OSBPL9: variants seen among roughly 807,000 people sequenced by gnomAD.
OSBPL9 encodes oxysterol binding protein like 9.
Under a neutral mutation model 106.6 loss-of-function variants are expected in OSBPL9, and 40 were observed. The observed-to-expected ratio is 0.38, with a 90% CI of 0.29 to 0.49. The LOEUF is 0.49. Among genes scored for constraint, OSBPL9 ranks in the 20% least tolerant of loss-of-function variants. The probability of loss-of-function intolerance (pLI) is 0.97; values close to 1 mark genes in which losing one functional copy is unlikely to be tolerated. For synonymous variants in OSBPL9, 269 were observed against 295.4 expected, an observed-to-expected ratio of 0.91 and a Z score of 0.92; for missense variants, 609 against 887.2, an observed-to-expected ratio of 0.69 and a Z score of 3.98.
chr1:51,740,100 CA>C, intron 4 of OSBPL9: 1 of 1,547,978 alleles, frequency 6.5e-7, no homozygotes, highest in African/African-American at 1.4e-5. Flanking sequence ...AGACTCACAG[CA>C]TGGTAACTTT....
chr1:51,592,410 C>T (rs538986924), intron 1 of OSBPL9, among the ~76,000 whole-genome samples: 1 of 152,244 alleles, frequency 6.6e-6, no homozygotes, highest in African/African-American at 2.4e-5. Context: ...CCACTGTGCC[C>T]GGCCGTTGCT....
At chr1:51,766,610 G>A (rs1672608404) in intron 12 of OSBPL9, among the ~76,000 whole-genome samples, 1 of 152,146 alleles carries the variant, frequency 6.6e-6, no homozygotes, top group African/African-American at 2.4e-5. Flanking sequence ...TTCCTACAGT[G>A]TTATGGAGCA....
At chr1:51,678,532 A>G (rs1370222124) in intron 3 of OSBPL9, among the ~76,000 whole-genome samples, 1 of 151,978 alleles carries the variant, frequency 6.6e-6, no homozygotes, top group Non-Finnish European at 1.5e-5. Context: ...ATGGTGACGC[A>G]TGCCTGTAAT....
At chr1:51,564,061 A>AAAAAAAAAAAAAAAAAAAAAAAAG in the OSBPL9 span, among the ~76,000 whole-genome samples, 1 of 147,654 alleles carries the variant, frequency 6.8e-6, no homozygotes. Context: ...TCAAAAAAAA[A>AAAAAAAAAAAAAAAAAAAAAAAAG]AAAAAAAAAG....
intron 2 of OSBPL9, among the ~76,000 whole-genome samples, chr1:51,653,327 T>A (rs370169463): frequency 2.0e-5 from 3 of 152,290 alleles, no homozygotes; most frequent in African/African-American, 7.2e-5. Context: ...TTGAGATAAG[T>A]TCAGTAGTGA....
At chr1:51,547,812 C>T in the OSBPL9 span, among the ~76,000 whole-genome samples, 18 of 151,878 alleles carry the variant, frequency 1.2e-4, no homozygotes, top group African/African-American at 4.4e-4. Context: ...GATTGCACTA[C>T]TACACTCCAG....
At chr1:51,710,980 G>A (rs1659673065) in intron 3 of OSBPL9, among the ~76,000 whole-genome samples, 1 of 151,338 alleles carries the variant, frequency 6.6e-6, no homozygotes, top group African/African-American at 2.4e-5. Flanking sequence ...CCAATCACAT[G>A]TGTGTTACAT....
the OSBPL9 span, among the ~76,000 whole-genome samples, chr1:51,535,559 A>T: frequency 1.3e-5 from 2 of 150,838 alleles, no homozygotes; most frequent in Non-Finnish European, 1.5e-5. Context: ...ATTACTTTTT[A>T]TTTTTTTTTA....
At chr1:51,567,454 A>G in the OSBPL9 span, 1 of 152,146 alleles carries the variant, frequency 6.6e-6, no homozygotes, top group Non-Finnish European at 1.5e-5. Flanking sequence ...CTGACTACCC[A>G]TCCCCATTTC....
chr1:51,751,927 G>A (rs904834234), intron 8 of OSBPL9, among the ~76,000 whole-genome samples: 9 of 152,180 alleles, frequency 5.9e-5, no homozygotes, highest in African/African-American at 1.4e-4. Context: ...CTTGGATCAC[G>A]TAAATGAAAT....
At chr1:51,559,951 C>T in the OSBPL9 span, among the ~76,000 whole-genome samples, 1 of 152,172 alleles carries the variant, frequency 6.6e-6, no homozygotes, top group Non-Finnish European at 1.5e-5. Flanking sequence ...CCCTTCCTCC[C>T]TTCCTTCCTT....
rs369735843 is a variant in OSBPL9, at chr1:51,776,488, G to A, written c.1171-345G>A. 4.7e-4 allele frequency among the ~76,000 whole-genome samples: 71 copies of A among 152,296 alleles called. 3 individuals carry two copies. The South Asian group carries it at 0.012, about 25-fold the overall frequency. On this transcript the variant is annotated intron_variant, in intron 14 of 23. Coordinates refer to ENST00000428468, the MANE Select transcript of OSBPL9 (RefSeq NM_024586.6). ...ATACAAATAATAAAATAATGTATATGTAATGTCCAGCAGATAGGAGGCATC... is the reference window on the plus strand; with the variant it reads ...ATACAAATAATAAAATAATGTATATATAATGTCCAGCAGATAGGAGGCATC...
At chr1:51,774,681 TCAGGGCC>T (rs1316671453) in intron 14 of OSBPL9, among the ~76,000 whole-genome samples, 1 of 152,154 alleles carries the variant, frequency 6.6e-6, no homozygotes, top group Non-Finnish European at 1.5e-5. Flanking sequence ...AGTTAATTTT[TCAGGGCC>T]TCCTCACAGC....
chr1:51,532,663 G>T, the OSBPL9 span, among the ~76,000 whole-genome samples: 13 of 152,246 alleles, frequency 8.5e-5, no homozygotes, highest in East Asian at 2.3e-3. Context: ...GCAGAGAGTA[G>T]GTAGAGTTAG....
intron 2 of OSBPL9, among the ~76,000 whole-genome samples, chr1:51,610,996 C>T (rs1643983388): frequency 6.6e-6 from 1 of 152,192 alleles, no homozygotes; most frequent in Non-Finnish European, 1.5e-5. Flanking sequence ...AAGGTCACTT[C>T]CATCTGTGAA....
At chr1:51,572,523 T>C (rs1253691392), upstream of OSBPL9, among the ~76,000 whole-genome samples, 1 of 152,202 alleles carries the variant, frequency 6.6e-6, no homozygotes, top group African/African-American at 2.4e-5. Flanking sequence ...TTGGATGTTA[T>C]ACAGTGTCTT....
chr1:51,601,777 T>C (rs1288040249), intron 2 of OSBPL9, among the ~76,000 whole-genome samples: 1 of 152,206 alleles, frequency 6.6e-6, no homozygotes, highest in Non-Finnish European at 1.5e-5. Flanking sequence ...GCACCTGTAT[T>C]GGACACCAAT....
At chr1:51,751,387 G>C (rs1469135796) in intron 8 of OSBPL9, among the ~76,000 whole-genome samples, 1 of 152,096 alleles carries the variant, frequency 6.6e-6, no homozygotes, top group Non-Finnish European at 1.5e-5. Context: ...TAAAGTGTCA[G>C]AACTTAGGGC....
chr1:51,732,425 T>G (rs1279075536), intron 4 of OSBPL9, among the ~76,000 whole-genome samples: 1 of 152,200 alleles, frequency 6.6e-6, no homozygotes, highest in Non-Finnish European at 1.5e-5. Context: ...TTAGGAAGCT[T>G]TTCAGTAAAG....
Sources: gnomAD v4.1 joint callset for allele counts (sites outside exome capture counted in the v4.1 genomes callset) on GRCh38, gnomAD v4.1.1 for gene constraint, MANE v1.5 for transcripts, NCBI Gene and HGNC (gene_info 2026-07-23, HGNC 2026-07-21) for gene names.